The following ZNF362 variants were observed in gnomAD, a reference collection of about 807,000 sequenced individuals.
ZNF362 encodes the protein zinc finger protein 362.
ZNF362 carries 11 observed loss-of-function variants against 42.9 expected under a neutral mutation model. The ratio of observed to expected loss-of-function variants is 0.26; its 90% confidence interval spans 0.16 to 0.42. ZNF362 has a LOEUF of 0.42. Ranked by LOEUF, ZNF362 falls within the 20% of genes least tolerant of loss-of-function variation. ZNF362 has a pLI of 1.00. For missense variants in ZNF362, 362 were observed against 576.2 expected (o/e 0.63, Z 3.81); for synonymous variants, 255 against 257.3 (o/e 0.99, Z 0.09).
At chr1:33,222,271 A>G in the ZNF362 span, among the ~76,000 whole-genome samples, 2 of 152,056 alleles carry the variant, frequency 1.3e-5, no homozygotes, top group Admixed American at 6.6e-5. Context: ...CCAATTGCTC[A>G]AGTCCTTTTG....
the ZNF362 span, among the ~76,000 whole-genome samples, chr1:33,241,141 G>A: frequency 6.6e-6 from 1 of 150,796 alleles, no homozygotes; most frequent in Non-Finnish European, 1.5e-5. Flanking sequence ...TTTAGGTAAG[G>A]TGAATCTGAC....
chr1:33,177,789 C>T, the ZNF362 span, among the ~76,000 whole-genome samples: 3 of 152,122 alleles, frequency 2.0e-5, no homozygotes, highest in Non-Finnish European at 2.9e-5. The surrounding 1 kb of genome is among the most constrained non-coding windows in gnomAD (Gnocchi z 4.1). Flanking sequence ...TCAATAATGC[C>T]GAGTACGATG....
chr1:33,280,544 AAACAGGACCCTTAGGGCTG>A lies in ZNF362; in HGVS notation c.683+89_683+107del. On this transcript the variant is annotated intron_variant, in intron 5 of 8. Coordinates refer to ENST00000539719, the MANE Select transcript of ZNF362 (RefSeq NM_152493.3). The surrounding 1 kb of genome is among the most constrained non-coding windows in gnomAD (Gnocchi z 5.6). ...CTCCAGGAGCCCAGCAGCGGGGCTG[AAACAGGACCCTTAGGGCTG>A]AGGGGCAGGGCTAGGGTCCAGAGGG... 1 of 1,466,086 alleles carries A rather than the reference AAACAGGACCCTTAGGGCTG, an allele frequency of 6.8e-7. No individual in the cohort carries two copies. Among genetic ancestry groups the A allele is most frequent in the Non-Finnish European group, 9.1e-7 (1 of 1,104,080 alleles). The allele number at this position is 1,466,086 out of a possible 1,614,324, so 90.8% of individuals were successfully genotyped here. A position where few individuals can be genotyped will look rare whatever the true frequency, so the allele number is the denominator to read the frequency against.
At chr1:33,250,697 A>G in the ZNF362 span, among the ~76,000 whole-genome samples, 1 of 151,990 alleles carries the variant, frequency 6.6e-6, no homozygotes, top group South Asian at 2.1e-4. Flanking sequence ...ACATTTACCT[A>G]TGTAACAAAT....
At chr1:33,173,418 C>T in the ZNF362 span, among the ~76,000 whole-genome samples, 9 of 152,050 alleles carry the variant, frequency 5.9e-5, no homozygotes, top group East Asian at 1.9e-4. Flanking sequence ...AGCTTGTGTG[C>T]GCATGCATGT....
At chr1:33,194,030 A>T in the ZNF362 span, among the ~76,000 whole-genome samples, 35 of 152,342 alleles carry the variant, frequency 2.3e-4, no homozygotes, top group African/African-American at 7.9e-4. Flanking sequence ...AAAATTAGGA[A>T]TCGAAGACAT....
At chr1:33,199,275 G>A in the ZNF362 span, among the ~76,000 whole-genome samples, 1 of 151,980 alleles carries the variant, frequency 6.6e-6, no homozygotes, top group South Asian at 2.1e-4. Context: ...CTTAAAAACC[G>A]CTAAAGGAAG....
the ZNF362 span, among the ~76,000 whole-genome samples, chr1:33,218,968 CACACACACACACAT>C: frequency 7.9e-5 from 12 of 151,070 alleles, no homozygotes; most frequent in Non-Finnish European, 1.6e-4. Flanking sequence ...CACACACACA[CACACACACACACAT>C]ACACCACCCC....
the ZNF362 span, chr1:33,180,953 T>TGGGGGGGGGGGGGGGGGGG: frequency 1.4e-6 from 1 of 724,330 alleles, no homozygotes; most frequent in Non-Finnish European, 2.0e-6. Context: ...GGTCCAGCCC[T>TGGGGGGGGGGGGGGGGGGG]GACCCCACCC....
chr1:33,275,282 G>A, intron 2 of ZNF362: 11 of 985,386 alleles, frequency 1.1e-5, no homozygotes, highest in Non-Finnish European at 1.2e-5. Context: ...TACTGCCCTG[G>A]TTGAAAAGGC....
upstream of ZNF362, among the ~76,000 whole-genome samples, chr1:33,251,627 C>T (rs1011069061): frequency 6.6e-6 from 1 of 152,206 alleles, no homozygotes; most frequent in African/African-American, 2.4e-5. Context: ...CTGGGCCTGC[C>T]TACGACATCT....
At chr1:33,189,671 A>ACACATATATATG in the ZNF362 span, among the ~76,000 whole-genome samples, 4 of 105,042 alleles carry the variant, frequency 3.8e-5, no homozygotes, top group African/African-American at 7.3e-5. Context: ...ATATATATAT[A>ACACATATATATG]TGTATATATA....
the ZNF362 span, among the ~76,000 whole-genome samples, chr1:33,167,123 C>T: frequency 1.9e-4 from 29 of 152,290 alleles, no homozygotes; most frequent in East Asian, 9.7e-4. The surrounding 1 kb of genome is among the most constrained non-coding windows in gnomAD (Gnocchi z 4.2). Context: ...GAGTTTCTCA[C>T]GGTGACTCCT....
At chr1:33,260,412 G>A (rs1455342708) in intron 1 of ZNF362, among the ~76,000 whole-genome samples, 4 of 152,174 alleles carry the variant, frequency 2.6e-5, no homozygotes, top group Non-Finnish European at 4.4e-5. Flanking sequence ...CACCAGGACA[G>A]CTTTTCCCTG....
At chr1:33,172,972 C>T in the ZNF362 span, among the ~76,000 whole-genome samples, 2 of 152,200 alleles carry the variant, frequency 1.3e-5, no homozygotes, top group Admixed American at 6.5e-5. Flanking sequence ...CCCAGCATGG[C>T]GCTGCACACA....
the ZNF362 span, among the ~76,000 whole-genome samples, chr1:33,162,190 T>C: frequency 4.6e-5 from 7 of 152,202 alleles, no homozygotes; most frequent in Non-Finnish European, 8.8e-5. Context: ...CTTTAGCTCC[T>C]TGACACATAG....
chr1:33,128,807 T>C, the ZNF362 span, among the ~76,000 whole-genome samples: 1 of 152,240 alleles, frequency 6.6e-6, no homozygotes, highest in Non-Finnish European at 1.5e-5. Context: ...TACTAAATCC[T>C]ACTTATGGAA....
chr1:33,253,464 A>G (rs192252825), upstream of ZNF362, among the ~76,000 whole-genome samples: 8 of 152,158 alleles, frequency 5.3e-5, no homozygotes, highest in East Asian at 1.5e-3. Context: ...AGGCAGAGGG[A>G]ACAGCATATG....
At chr1:33,197,383 C>T in the ZNF362 span, among the ~76,000 whole-genome samples, 2 of 152,184 alleles carry the variant, frequency 1.3e-5, no homozygotes, top group South Asian at 4.1e-4. Flanking sequence ...CCTATTAGTT[C>T]TGTCTCTCTG....
Sources: gnomAD v4.1 joint callset for allele counts (sites outside exome capture counted in the v4.1 genomes callset) on GRCh38, gnomAD v4.1.1 for gene constraint, Gnocchi (gnomAD v3.1) non-coding constraint, MANE v1.5 for transcripts, NCBI Gene and HGNC (gene_info 2026-07-23, HGNC 2026-07-21) for gene names.